PTPRD: variants seen among roughly 807,000 people sequenced by gnomAD.
PTPRD encodes receptor-type tyrosine-protein phosphatase delta.
PTPRD carries 34 observed loss-of-function variants against 214.5 expected under a neutral mutation model. That is an observed-to-expected ratio of 0.16 (90% CI 0.12 to 0.21). The LOEUF is 0.21. Among genes scored for constraint, PTPRD ranks in the 10% least tolerant of loss-of-function variants. The probability of loss-of-function intolerance (pLI) is 1.00; values close to 1 mark genes in which losing one functional copy is unlikely to be tolerated. For missense variants in PTPRD, 2,545 were observed against 2,398.7 expected, an observed-to-expected ratio of 1.06 and a Z score of -1.27; for synonymous variants, 1,128 against 845.7, an observed-to-expected ratio of 1.33 and a Z score of -5.79.
chr9:8,434,368 T>C (rs968399086), intron 35 of PTPRD, among the ~76,000 whole-genome samples: 2 of 152,218 alleles, frequency 1.3e-5, no homozygotes, highest in South Asian at 2.1e-4. Context: ...CTGTAAAGGA[T>C]TGTAGCCTAG....
intron 4 of PTPRD, among the ~76,000 whole-genome samples, chr9:10,026,955 C>T (rs1418997459): frequency 1.3e-5 from 2 of 151,852 alleles, no homozygotes; most frequent in African/African-American, 4.8e-5. Context: ...GAAATAGCTC[C>T]AATCGATTTT....
intron 8 of PTPRD, among the ~76,000 whole-genome samples, chr9:9,564,917 G>A (rs1293533638): frequency 3.4e-5 from 2 of 59,694 alleles, no homozygotes; most frequent in Admixed American, 2.8e-4. Context: ...TTTTTTTGCA[G>A]TGCACCTAAG....
At chr9:8,477,650 C>T (rs1316493211) in intron 30 of PTPRD, among the ~76,000 whole-genome samples, 2 of 152,186 alleles carry the variant, frequency 1.3e-5, no homozygotes, top group African/African-American at 4.8e-5. Flanking sequence ...ATTCTCATGG[C>T]AACCCACTGA....
At chr9:10,001,265 C>T (rs181563474) in intron 4 of PTPRD, among the ~76,000 whole-genome samples, 2 of 152,048 alleles carry the variant, frequency 1.3e-5, no homozygotes, top group East Asian at 1.9e-4. Context: ...GAACCGAGCC[C>T]CCAAAACCTG....
chr9:8,424,640 TA>T (rs760779765), intron 35 of PTPRD, among the ~76,000 whole-genome samples: 18 of 147,762 alleles, frequency 1.2e-4, no homozygotes, highest in Non-Finnish European at 2.4e-4. Context: ...AAAAATGATA[TA>T]AAAATACTCT....
chr9:8,962,551 A>AGAGAGAGC (rs1555611274), intron 11 of PTPRD, among the ~76,000 whole-genome samples: 1 of 151,698 alleles, frequency 6.6e-6, no homozygotes, highest in African/African-American at 2.4e-5. Flanking sequence ...AGAGAGAGAG[A>AGAGAGAGC]GAGAGCGAGA....
At chr9:9,283,998 G>A (rs369620633) in intron 9 of PTPRD, among the ~76,000 whole-genome samples, 1 of 151,580 alleles carries the variant, frequency 6.6e-6, no homozygotes, top group Non-Finnish European at 1.5e-5. Context: ...ACTCAACCAC[G>A]TTATAATCTT....
intron 9 of PTPRD, among the ~76,000 whole-genome samples, chr9:9,303,085 C>A (rs73390836): frequency 0.018 from 2,714 of 151,906 alleles, 80 homozygotes; most frequent in African/African-American, 0.062. Context: ...TTTGCAAAGG[C>A]ATTAGCACAA....
intron 12 of PTPRD, among the ~76,000 whole-genome samples, chr9:8,704,938 T>C (rs907574821): frequency 6.6e-6 from 1 of 151,580 alleles, no homozygotes; most frequent in Non-Finnish European, 1.5e-5. Context: ...AAAAAATAAA[T>C]AAATAAAAAG....
At chr9:10,509,031 T>C (rs991117783) in intron 2 of PTPRD, among the ~76,000 whole-genome samples, 7 of 152,080 alleles carry the variant, frequency 4.6e-5, no homozygotes, top group Admixed American at 4.6e-4. Context: ...AACCCATGGC[T>C]AAAGGAAATA....
rs2138847434 is a variant in PTPRD at position 8,521,264 on chromosome 9, C to A, written c.961+13G>T. ...TGTACCCAGATCCTCAAAGCATAAT[C>A]CATTGAGCATACCTTTGACAGTGAT... is the stretch of plus-strand genomic sequence containing the variant. On this transcript the variant is annotated intron_variant, in intron 20 of 45. Transcript: ENST00000381196. 1 of 1,603,858 alleles carries A rather than the reference C, an allele frequency of 6.2e-7. No individual in the cohort carries two copies. The highest frequency in any genetic ancestry group is 8.5e-7 in the Non-Finnish European group (1 of 1,174,106).
intron 2 of PTPRD, among the ~76,000 whole-genome samples, chr9:10,352,719 G>C (rs369799698): frequency 1.3e-5 from 2 of 151,988 alleles, no homozygotes; most frequent in African/African-American, 4.8e-5. Context: ...CAATGATGAA[G>C]TGGTTATATT....
chr9:9,926,303 A>T (rs2153897264), intron 5 of PTPRD, among the ~76,000 whole-genome samples: 1 of 152,318 alleles, frequency 6.6e-6, no homozygotes, highest in African/African-American at 2.4e-5. Flanking sequence ...GCTGGGAAAC[A>T]GTACAATAAA....
chr9:10,353,729 C>T (rs976199245), intron 2 of PTPRD, among the ~76,000 whole-genome samples: 59 of 151,866 alleles, frequency 3.9e-4, no homozygotes, highest in Middle Eastern at 3.4e-3. Flanking sequence ...TTTTAACAAC[C>T]GTACACCAAA....
chr9:9,292,569 G>A (rs1168070765), intron 9 of PTPRD, among the ~76,000 whole-genome samples: 2 of 151,300 alleles, frequency 1.3e-5, no homozygotes, highest in Non-Finnish European at 3.0e-5. Flanking sequence ...ACATTAGTAT[G>A]GTGAATTTGT....
intron 9 of PTPRD, among the ~76,000 whole-genome samples, chr9:9,213,541 G>T (rs1225813118): frequency 7.0e-6 from 1 of 142,510 alleles, no homozygotes; most frequent in Middle Eastern, 3.8e-3. Context: ...TGTTTGTTTT[G>T]ATAATAGGCA....
At chr9:10,279,210 T>A (rs2094941800) in intron 3 of PTPRD, among the ~76,000 whole-genome samples, 1 of 151,420 alleles carries the variant, frequency 6.6e-6, no homozygotes, top group Admixed American at 6.6e-5. Flanking sequence ...CAAGTGTAGT[T>A]CAAGGGCATA....
At chr9:10,544,563 G>C (rs1255087828) in intron 2 of PTPRD, among the ~76,000 whole-genome samples, 2 of 152,098 alleles carry the variant, frequency 1.3e-5, no homozygotes, top group African/African-American at 2.4e-5. Flanking sequence ...GAAGAAAAGA[G>C]AATTATCACC....
At chr9:9,743,546 G>A (rs2098425647) in intron 6 of PTPRD, among the ~76,000 whole-genome samples, 1 of 151,806 alleles carries the variant, frequency 6.6e-6, no homozygotes, top group Admixed American at 6.6e-5. Flanking sequence ...CTCCCTAAGG[G>A]CCCATTTCTC....
Sources: gnomAD v4.1 joint callset for allele counts (sites outside exome capture counted in the v4.1 genomes callset) on GRCh38, gnomAD v4.1.1 for gene constraint, MANE v1.5 for transcripts, NCBI Gene and HGNC (gene_info 2026-07-23, HGNC 2026-07-21) for gene names.